Variants in SRGAP1 observed in about 807,000 individuals in gnomAD.
SRGAP1 encodes SLIT-ROBO Rho GTPase-activating protein 1.
SRGAP1 carries 43 observed loss-of-function variants against 121.9 expected under a neutral mutation model. That is an observed-to-expected ratio of 0.35 (90% confidence interval 0.28 to 0.46). The LOEUF is 0.46. Among genes scored for constraint, SRGAP1 ranks in the 20% least tolerant of loss-of-function variants. The probability of loss-of-function intolerance (pLI) is 1.00; values close to 1 mark genes in which losing one functional copy is unlikely to be tolerated. For synonymous variants in SRGAP1, 447 were observed against 485.4 expected (o/e 0.92, Z 1.04); for missense variants, 1,102 against 1,350.9 (o/e 0.82, Z 2.89).
In SRGAP1 at chr12:63,844,910, C is replaced by T. The variant is rs780321964; in HGVS notation, c.67+27C>T. 8.1e-6 allele frequency: 13 copies of T among 1,603,644 alleles called. No homozygotes were observed. The East Asian group carries it at 1.6e-4, about 19-fold the overall frequency. ...TAAGGATGGGAGCGGCTGCCTTGCTCCTTTTGTGTGCCTTCTTGTCATTGT... is the reference window on the plus strand; with the variant it reads ...TAAGGATGGGAGCGGCTGCCTTGCTTCTTTTGTGTGCCTTCTTGTCATTGT... On this transcript the variant is annotated intron_variant, in intron 1 of 21. Coordinates refer to ENST00000355086, the MANE Select transcript of SRGAP1 (RefSeq NM_020762.4). The surrounding 1 kb of genome is among the most constrained non-coding windows in gnomAD (Gnocchi z 4.3).
intron 11 of SRGAP1, among the ~76,000 whole-genome samples, chr12:64,090,619 C>G (rs1001665833): frequency 6.6e-6 from 1 of 152,272 alleles, no homozygotes; most frequent in African/African-American, 2.4e-5. Flanking sequence ...GTGGAAGGAT[C>G]TTTTGAGCCC....
At chr12:63,884,936 G>T (rs1900325094) in intron 1 of SRGAP1, among the ~76,000 whole-genome samples, 1 of 151,876 alleles carries the variant, frequency 6.6e-6, no homozygotes. Context: ...TAGCCAGGAT[G>T]GCCTCGATCT....
intron 4 of SRGAP1, among the ~76,000 whole-genome samples, chr12:64,028,307 TCTG>T (rs938431200): frequency 6.6e-6 from 1 of 152,246 alleles, no homozygotes; most frequent in Non-Finnish European, 1.5e-5. Context: ...ATAAGAACTT[TCTG>T]AATGACCTTC....
At chr12:64,111,622 A>G in intron 16 of SRGAP1, 140 bp from the exon 17 acceptor site, 1 of 675,326 alleles carries the variant, frequency 1.5e-6, no homozygotes, top group South Asian at 2.4e-5. Context: ...GTCATAAGTC[A>G]TTTCACTTTC....
At chr12:63,988,317 C>T (rs574239155) in intron 2 of SRGAP1, among the ~76,000 whole-genome samples, 1 of 152,220 alleles carries the variant, frequency 6.6e-6, no homozygotes, top group South Asian at 2.1e-4. Context: ...AATAAGGTAA[C>T]ATTTACCTTG....
intron 1 of SRGAP1, among the ~76,000 whole-genome samples, chr12:63,932,606 G>A (rs2031519417): frequency 6.6e-6 from 1 of 151,690 alleles, no homozygotes; most frequent in Non-Finnish European, 1.5e-5. Context: ...TTTAAAATTA[G>A]TTATCTTAAA....
Position 64,042,857 on chromosome 12 carries a change from A to G in SRGAP1, c.557A>G (p.Glu186Gly). The G allele has an allele frequency of 6.2e-7, 1 of 1,613,878 alleles. No homozygotes were observed. The highest frequency in any genetic ancestry group is 2.2e-5 in the East Asian group (1 of 44,778). Residue 186 changes from glutamate to glycine, a missense_variant, in exon 5 of 22, where the codon GAA becomes GGA. Physicochemically the swap from Glu to Gly is moderately conservative, Grantham distance 98. This residue lies in a region of SRGAP1 where 747 missense variants were observed against 929.4 expected (regional missense o/e 0.80). Transcript: ENST00000355086. Reference protein sequence around the residue: ...ISAESKLKEAEKQEEKQIGRS... With the variant: ...ISAESKLKEAGKQEEKQIGRS... The stretch of plus-strand genomic sequence containing the variant: ...GCAGAGAGCAAGCTGAAAGAGGCCG[A>G]AAAACAAGAGGAAAAGCAAATTGGG...
chr12:63,870,055 A>G (rs1293829060), intron 1 of SRGAP1, among the ~76,000 whole-genome samples: 2 of 152,258 alleles, frequency 1.3e-5, no homozygotes, highest in African/African-American at 4.8e-5. Flanking sequence ...CCTTAAAAAA[A>G]GGTTAAATGC....
intron 6 of SRGAP1, among the ~76,000 whole-genome samples, chr12:64,060,322 C>G (rs1395428102): frequency 2.0e-5 from 3 of 151,474 alleles, no homozygotes; most frequent in African/African-American, 7.3e-5. Context: ...ATACCCCAAT[C>G]TCAACCTCCT....
At chr12:63,845,066 CAAACCCACGGGGAGCTGG>C (rs1898853969) in intron 1 of SRGAP1, among the ~76,000 whole-genome samples, 183 bp downstream of exon 1, 1 of 152,126 alleles carries the variant, frequency 6.6e-6, no homozygotes, top group African/African-American at 2.4e-5. Context: ...CCAGTCCCGT[CAAACCCACGGGGAGCTGG>C]AAACTGGGTG....
chr12:64,125,770 A>T (rs1287416948), intron 18 of SRGAP1, among the ~76,000 whole-genome samples: 1 of 152,150 alleles, frequency 6.6e-6, no homozygotes, highest in African/African-American at 2.4e-5. Flanking sequence ...CTTTGTCTGA[A>T]AAACTGATGA....
At chr12:64,103,040 C>T (rs2036284126) in intron 15 of SRGAP1, among the ~76,000 whole-genome samples, 1 of 152,118 alleles carries the variant, frequency 6.6e-6, no homozygotes, top group Non-Finnish European at 1.5e-5. Flanking sequence ...GGCTGGATTG[C>T]AGTGGCGTGA....
At chr12:64,138,943 C>A (rs1267178263) in intron 21 of SRGAP1, among the ~76,000 whole-genome samples, 1 of 151,968 alleles carries the variant, frequency 6.6e-6, no homozygotes, top group African/African-American at 2.4e-5. Context: ...CCAATCAAAA[C>A]AAAAAATAAC....
rs2037013975 is a variant in SRGAP1 at position 64,144,233 on chromosome 12, T to TTTGTTGTTGTTGTTGTTGTGTTGTTG, written c.*1580_*1581insGTTGTTGTTGTTGTTGTTGTTGTTGT. On this transcript the variant is annotated 3_prime_UTR_variant, in exon 22 of 22. Transcript: ENST00000355086. ...ATCATTGAAGTTACTGATAAAGATT[T>TTTGTTGTTGTTGTTGTTGTGTTGTTG]TTGTTGTTGTTGTTGTTGTTGGGAG... The TTTGTTGTTGTTGTTGTTGTGTTGTTG allele has an allele frequency of 6.6e-6, 1 of 151,270 alleles. No individual in the cohort carries two copies. The highest frequency in any genetic ancestry group is 2.0e-4 in the East Asian group (1 of 5,086). 9.4% of individuals were successfully genotyped at this position (151,270 alleles called of 1,614,324 possible).
At chr12:63,845,179 T>C (rs910619879) in intron 1 of SRGAP1, among the ~76,000 whole-genome samples, 5 of 152,172 alleles carry the variant, frequency 3.3e-5, no homozygotes, top group African/African-American at 9.7e-5. Flanking sequence ...GCAACTTATG[T>C]GGGAAGCAGG....
intron 1 of SRGAP1, among the ~76,000 whole-genome samples, chr12:63,971,604 G>A (rs1404884509): frequency 6.6e-6 from 1 of 152,100 alleles, no homozygotes; most frequent in South Asian, 2.1e-4. Context: ...TTTAACACAG[G>A]TTGTCTGTCA....
At chr12:63,961,450 G>A (rs1428785846) in intron 1 of SRGAP1, among the ~76,000 whole-genome samples, 1 of 152,192 alleles carries the variant, frequency 6.6e-6, no homozygotes, top group Non-Finnish European at 1.5e-5. Flanking sequence ...GGCCAGGCAG[G>A]CCCTGGAAGC....
intron 1 of SRGAP1, among the ~76,000 whole-genome samples, chr12:63,869,160 A>G (rs1433362321): frequency 2.6e-5 from 4 of 152,300 alleles, no homozygotes; most frequent in Non-Finnish European, 2.9e-5. Context: ...ATGAAAATAT[A>G]TTTGTTGGCT....
chr12:63,845,590 C>A (rs1898876163), intron 1 of SRGAP1, among the ~76,000 whole-genome samples: 1 of 152,066 alleles, frequency 6.6e-6, no homozygotes, highest in Non-Finnish European at 1.5e-5. Flanking sequence ...AGTTTCAGTC[C>A]ATTTACATTG....
Sources: gnomAD v4.1 joint callset for allele counts (sites outside exome capture counted in the v4.1 genomes callset) on GRCh38, gnomAD v4.1.1 for gene constraint, gnomAD v4.1.1 regional missense constraint, Gnocchi (gnomAD v3.1) non-coding constraint, MANE v1.5 for transcripts, NCBI Gene and HGNC (gene_info 2026-07-23, HGNC 2026-07-21) for gene names.